Variants in WDR49 observed in about 807,000 individuals in gnomAD.
WDR49 encodes cilia- and flagella-associated protein 337.
In WDR49, 107 loss-of-function variants were observed where a neutral mutation model predicts 119.5. That is an observed-to-expected ratio of 0.90 (90% confidence interval 0.77 to 1.05). WDR49 has a LOEUF of 1.05. WDR49 is among the 50% of genes least tolerant of loss of function. The pLI is 0.00. For missense variants in WDR49, 1,240 were observed against 1,220.5 expected, an observed-to-expected ratio of 1.02 and a Z score of -0.24; for synonymous variants, 425 against 418.8, an observed-to-expected ratio of 1.01 and a Z score of -0.18.
At chr3:167,487,192 T>A (rs1295235989) in intron 18 of WDR49, among the ~76,000 whole-genome samples, 1 of 151,700 alleles carries the variant, frequency 6.6e-6, no homozygotes, top group African/African-American at 2.4e-5. Flanking sequence ...CATACACCAA[T>A]GGAAAAGAAT....
At position 167,548,564 on chromosome 3, in the gene WDR49, G is replaced by A. The variant is rs78407884; in HGVS notation, c.1823+6086C>T. 6.6e-4 allele frequency among the ~76,000 whole-genome samples: 100 copies of A among 151,836 alleles called. No homozygotes were observed. In the East Asian group the frequency reaches 0.019, roughly 29 times the overall value. On this transcript the variant is annotated intron_variant, in intron 10 of 18. Transcript: ENST00000682715. ...CTTAAGTAGTCTATTTTATTATAAT[G>A]TATTAATATCAATCATATCTACACA...
intron 8 of WDR49, chr3:167,566,733 AT>A (rs1279662076): frequency 4.3e-6 from 2 of 461,350 alleles, no homozygotes; most frequent in African/African-American, 4.0e-5. Flanking sequence ...CACATTTTGT[AT>A]GTAAGAGTTA....
chr3:167,550,070 AGTACCATGCTGCTTTGGTTACT>A (rs1358813711), intron 10 of WDR49, among the ~76,000 whole-genome samples: 1 of 151,404 alleles, frequency 6.6e-6, no homozygotes, highest in Non-Finnish European at 1.5e-5. Flanking sequence ...TTTTGGTACC[AGTACCATGCTGCTTTGGTTACT>A]GTAGCCTTGT....
intron 2 of WDR49, among the ~76,000 whole-genome samples, chr3:167,635,641 G>C (rs961341030): frequency 2.6e-5 from 4 of 151,600 alleles, no homozygotes; most frequent in Admixed American, 1.3e-4. Context: ...AATCCAACTT[G>C]GTCTGGGTAT....
intron 18 of WDR49, among the ~76,000 whole-genome samples, chr3:167,498,842 G>A (rs978616721): frequency 5.3e-5 from 8 of 152,116 alleles, no homozygotes; most frequent in African/African-American, 1.9e-4. Context: ...GAATTTCAGA[G>A]AGAGCCCTCC....
chr3:167,495,883 G>GAAAAAAAAAAAAAAAAAAAAAAAAT, intron 18 of WDR49, among the ~76,000 whole-genome samples: 1 of 71,226 alleles, frequency 1.4e-5, no homozygotes, highest in Non-Finnish European at 2.7e-5. Context: ...TTAAAAATTT[G>GAAAAAAAAAAAAAAAAAAAAAAAAT]AAAAAAAAAA....
chr3:167,538,052 A>G (rs1202815833), intron 10 of WDR49, among the ~76,000 whole-genome samples: 1 of 152,030 alleles, frequency 6.6e-6, no homozygotes, highest in Non-Finnish European at 1.5e-5. Context: ...CATGTGGTAT[A>G]TATACACAAT....
chr3:167,612,980 A>C (rs1457074926), intron 5 of WDR49, among the ~76,000 whole-genome samples: 1 of 152,226 alleles, frequency 6.6e-6, no homozygotes, highest in Non-Finnish European at 1.5e-5. Context: ...ACTATTGTTT[A>C]ATAGCACAAC....
Position 167,600,496 on chromosome 3 carries a change from G to GT in WDR49, c.1275+1630dup, listed in dbSNP as rs1251571561. 3.3e-5 allele frequency among the ~76,000 whole-genome samples: 5 copies of GT among 152,302 alleles called. No individual in the cohort carries two copies. In the East Asian group the frequency reaches 9.6e-4, roughly 29 times the overall value. On this transcript the variant is annotated intron_variant, in intron 7 of 18. Transcript: ENST00000682715. The stretch of plus-strand genomic sequence containing the variant: ...TGATTTTTTTGGTTCTTATGAAGGT[G>GT]TTTTTGTGTATGTGTAGATAGTTGT...
intron 8 of WDR49, among the ~76,000 whole-genome samples, chr3:167,568,360 A>G (rs1255691958): frequency 2.6e-5 from 4 of 152,162 alleles, no homozygotes; most frequent in African/African-American, 4.8e-5. Flanking sequence ...AAATTATTGT[A>G]TAATAACTGC....
Position 167,532,936 on chromosome 3 carries a change from C to T in WDR49, c.1996G>A (p.Glu666Lys). 1.2e-6 allele frequency: 2 copies of T among 1,610,128 alleles called. No individual in the cohort carries two copies. Among genetic ancestry groups the T allele is most frequent in the South Asian group, 2.2e-5 (2 of 90,656 alleles). The change falls in exon 12 of 19, where the codon GAG (glutamate) becomes AAG (lysine). Residue 666 changes from glutamate to lysine, a missense_variant. By Grantham distance (56) the Glu-to-Lys change is moderately conservative. Coordinates refer to ENST00000682715, the MANE Select transcript of WDR49 (RefSeq NM_001366157.1). ...GEIVLWNNST[E>K]NAHHVLHPDY... ...GGGTGAAGAACATGGTGAGCATTCT[C>T]TGTGCTATTGTTCCATAGAACAATT... is the stretch of plus-strand genomic sequence containing the variant.
At chr3:167,547,070 C>T (rs1712250557) in intron 10 of WDR49, among the ~76,000 whole-genome samples, 1 of 151,832 alleles carries the variant, frequency 6.6e-6, no homozygotes, top group Non-Finnish European at 1.5e-5. Context: ...CCTGCCCCCT[C>T]TTTCCCTCCA....
intron 15 of WDR49, among the ~76,000 whole-genome samples, chr3:167,527,478 T>A (rs1752677409): frequency 6.6e-6 from 1 of 152,150 alleles, no homozygotes; most frequent in Non-Finnish European, 1.5e-5. Context: ...TAATCACCTG[T>A]CTTTTTAGTT....
intron 16 of WDR49, among the ~76,000 whole-genome samples, chr3:167,509,364 A>G (rs1751881773): frequency 6.6e-6 from 1 of 152,220 alleles, no homozygotes; most frequent in Admixed American, 6.5e-5. Flanking sequence ...ACTATTCAAA[A>G]AGGCTGGGAT....
chr3:167,543,116 A>G (rs577556905), intron 10 of WDR49, among the ~76,000 whole-genome samples: 13 of 152,154 alleles, frequency 8.5e-5, no homozygotes, highest in African/African-American at 2.4e-4. Flanking sequence ...CTCTGAACAG[A>G]CCAATAACAA....
At chr3:167,640,105 A>C (rs1305645932) in intron 2 of WDR49, among the ~76,000 whole-genome samples, 1 of 151,844 alleles carries the variant, frequency 6.6e-6, no homozygotes, top group Non-Finnish European at 1.5e-5. Flanking sequence ...AAAGAGAATG[A>C]AAAGGGGGAG....
At chr3:167,603,696 T>C (rs982628169) in intron 6 of WDR49, among the ~76,000 whole-genome samples, 2 of 152,210 alleles carry the variant, frequency 1.3e-5, no homozygotes, top group Admixed American at 1.3e-4. Context: ...TCAGAATGTC[T>C]AAATTTTTAA....
At chr3:167,657,152 CTT>C (rs977182732), upstream of WDR49, among the ~76,000 whole-genome samples, 1 of 152,100 alleles carries the variant, frequency 6.6e-6, no homozygotes, top group Non-Finnish European at 1.5e-5. Context: ...TTAAGGACTA[CTT>C]TTTACCATTA....
intron 16 of WDR49, among the ~76,000 whole-genome samples, chr3:167,515,257 A>G (rs1752155043): frequency 6.6e-6 from 1 of 152,180 alleles, no homozygotes; most frequent in African/African-American, 2.4e-5. Context: ...TTGCAAACCA[A>G]ATTCTGCAGC....
Sources: gnomAD v4.1 joint callset for allele counts (sites outside exome capture counted in the v4.1 genomes callset) on GRCh38, gnomAD v4.1.1 for gene constraint, MANE v1.5 for transcripts, NCBI Gene and HGNC (gene_info 2026-07-23, HGNC 2026-07-21) for gene names.